The following TUNAR variants were observed in gnomAD, a reference collection of about 807,000 sequenced individuals.
TUNAR encodes transmembrane neural differentiation associated intracellular calcium regulator.
rs145217744 is a variant in TUNAR at position 95,877,547 on chromosome 14, T to A, written c.12+370T>A. Among the ~76,000 whole-genome samples, 793 of 152,174 alleles carry A rather than the reference T, an allele frequency of 5.2e-3. 7 individuals carry two copies. Among genetic ancestry groups the A allele is most frequent in the African/African-American group, 0.018 (763 of 41,500 alleles). Reference sequence around the variant, plus strand: ...CCTCAAAGCCGCTCTGGGAAATAGGTCCCCGTTTCTCCTTGGCCCAGATGA... The same window carrying A: ...CCTCAAAGCCGCTCTGGGAAATAGGACCCCGTTTCTCCTTGGCCCAGATGA... On this transcript the variant is annotated intron_variant, in intron 2 of 2. Transcript: ENST00000678517.
chr14:95,891,448 G>A (rs1889179456), intron 2 of TUNAR, among the ~76,000 whole-genome samples: 1 of 152,128 alleles, frequency 6.6e-6, no homozygotes, highest in African/African-American at 2.4e-5. Context: ...AACCCCTTCG[G>A]GGGCACAGGT....
intron 2 of TUNAR, among the ~76,000 whole-genome samples, chr14:95,908,631 C>A (rs1889463513): frequency 6.6e-6 from 1 of 152,184 alleles, no homozygotes; most frequent in African/African-American, 2.4e-5. Flanking sequence ...GAGATTTTCC[C>A]TTGGTCACAG....
intron 2 of TUNAR, among the ~76,000 whole-genome samples, chr14:95,891,595 T>A (rs1034656221): frequency 1.3e-5 from 2 of 152,218 alleles, no homozygotes; most frequent in Non-Finnish European, 2.9e-5. Context: ...GACCAGAGTC[T>A]CTGCTGCCAA....
intron 2 of TUNAR, among the ~76,000 whole-genome samples, chr14:95,884,791 C>T (rs527903482): frequency 6.6e-6 from 1 of 152,320 alleles, no homozygotes; most frequent in East Asian, 1.9e-4. Flanking sequence ...GCGGTCCCCA[C>T]AATCTGTGTC....
At chr14:95,921,582 T>TA in intron 2 of TUNAR, among the ~76,000 whole-genome samples, 1 of 152,318 alleles carries the variant, frequency 6.6e-6, no homozygotes. Flanking sequence ...AGCTGGAAGA[T>TA]ATGCCTGCAG....
intron 2 of TUNAR, among the ~76,000 whole-genome samples, chr14:95,914,551 T>C (rs940358139): frequency 2.0e-5 from 3 of 152,170 alleles, no homozygotes; most frequent in Non-Finnish European, 4.4e-5. Context: ...AGGGTGGGCC[T>C]TCCCAGGAGA....
intron 2 of TUNAR, among the ~76,000 whole-genome samples, chr14:95,896,935 TA>T (rs1889278053): frequency 6.6e-6 from 1 of 152,236 alleles, no homozygotes; most frequent in African/African-American, 2.4e-5. Flanking sequence ...TAGCAGGCTC[TA>T]AAATCGTACT....
chr14:95,906,271 T>C (rs1177433152), intron 2 of TUNAR, among the ~76,000 whole-genome samples: 1 of 152,212 alleles, frequency 6.6e-6, no homozygotes, highest in Non-Finnish European at 1.5e-5. Flanking sequence ...GGGAATGATA[T>C]GGACAGGCAC....
At chr14:95,906,948 C>G (rs984188781) in intron 2 of TUNAR, among the ~76,000 whole-genome samples, 18 of 152,274 alleles carry the variant, frequency 1.2e-4, no homozygotes, top group Admixed American at 1.2e-3. Context: ...TCTAGTTTAC[C>G]CTTCCTGTAT....
intron 2 of TUNAR, among the ~76,000 whole-genome samples, chr14:95,909,018 T>G (rs1366845642): frequency 1.3e-5 from 2 of 152,186 alleles, no homozygotes; most frequent in Admixed American, 6.5e-5. Flanking sequence ...TGAAGCATCC[T>G]TTCCTCAGAG....
intron 2 of TUNAR, among the ~76,000 whole-genome samples, chr14:95,892,606 T>A (rs1889200353): frequency 6.6e-6 from 1 of 152,236 alleles, no homozygotes; most frequent in African/African-American, 2.4e-5. Flanking sequence ...CCCCACCAGA[T>A]GACAAGCGTC....
chr14:95,901,054 G>A (rs1437600975), intron 2 of TUNAR, among the ~76,000 whole-genome samples: 1 of 152,126 alleles, frequency 6.6e-6, no homozygotes, highest in African/African-American at 2.4e-5. Context: ...TCATATATAG[G>A]TTTCTCTCTT....
chr14:95,919,055 T>G (rs17093544), intron 2 of TUNAR, among the ~76,000 whole-genome samples: 1,673 of 152,300 alleles, frequency 0.011, 31 homozygotes, highest in African/African-American at 0.039. Flanking sequence ...ATTAGAGACA[T>G]GACTAGTGCT....
intron 2 of TUNAR, among the ~76,000 whole-genome samples, chr14:95,918,825 A>G (rs1889646857): frequency 6.6e-6 from 1 of 152,198 alleles, no homozygotes; most frequent in Admixed American, 6.5e-5. Flanking sequence ...TAAAGGCAGC[A>G]CTAATTGTAT....
At chr14:95,901,215 A>G (rs1343637802) in intron 2 of TUNAR, among the ~76,000 whole-genome samples, 1 of 152,226 alleles carries the variant, frequency 6.6e-6, no homozygotes, top group Non-Finnish European at 1.5e-5. Flanking sequence ...GCCATTGCTT[A>G]TGGACTGCTT....
At chr14:95,877,784 G>C (rs1888914301) in intron 2 of TUNAR, among the ~76,000 whole-genome samples, 1 of 152,214 alleles carries the variant, frequency 6.6e-6, no homozygotes, top group South Asian at 2.1e-4. Context: ...TATCTGTTCT[G>C]ATGAAATAAA....
chr14:95,902,228 T>A (rs1175655376), intron 2 of TUNAR, among the ~76,000 whole-genome samples: 2 of 152,134 alleles, frequency 1.3e-5, no homozygotes, highest in Admixed American at 6.5e-5. Flanking sequence ...CCTGTTAGTC[T>A]GGACAAGTAT....
intron 2 of TUNAR, among the ~76,000 whole-genome samples, chr14:95,904,672 G>T (rs1036520153): frequency 5.9e-5 from 9 of 152,214 alleles, no homozygotes; most frequent in Admixed American, 4.6e-4. Context: ...AGAACCCAGG[G>T]CCCTTGAGGC....
At chr14:95,889,322 G>T (rs896690386) in intron 2 of TUNAR, among the ~76,000 whole-genome samples, 3 of 152,180 alleles carry the variant, frequency 2.0e-5, no homozygotes, top group Non-Finnish European at 4.4e-5. Context: ...CATATTAAAA[G>T]ATTTTCTTCT....
Sources: allele counts gnomAD v4.1 joint callset (sites outside exome capture counted in the v4.1 genomes callset), GRCh38; gene constraint gnomAD v4.1.1; transcripts MANE v1.5; gene names NCBI Gene and HGNC (gene_info 2026-07-23, HGNC 2026-07-21).